The following STPG2 variants were observed in gnomAD, a reference collection of about 807,000 sequenced individuals.
STPG2 encodes sperm-tail PG-rich repeat-containing protein 2.
In STPG2, 56 loss-of-function variants were observed where a neutral mutation model predicts 54.2. That is an observed-to-expected ratio of 1.03 (90% CI 0.83 to 1.29). STPG2 has a LOEUF of 1.29. Ranked by LOEUF, STPG2 falls within the 50% of genes most tolerant of loss-of-function variation. The probability of loss-of-function intolerance (pLI) is 0.00; values close to 1 mark genes in which losing one functional copy is unlikely to be tolerated. For synonymous variants in STPG2, 200 were observed against 181.8 expected (o/e 1.10, Z -0.81); for missense variants, 596 against 544.9 (o/e 1.09, Z -0.93).
At chr4:97,936,231 T>C (rs927420883) in intron 8 of STPG2, among the ~76,000 whole-genome samples, 1 of 152,202 alleles carries the variant, frequency 6.6e-6, no homozygotes, top group Admixed American at 6.5e-5. Flanking sequence ...ATTTGCTTGG[T>C]AAATTTTCCT....
At chr4:97,965,814 G>C (rs963307991) in intron 7 of STPG2, among the ~76,000 whole-genome samples, 1 of 152,164 alleles carries the variant, frequency 6.6e-6, no homozygotes, top group African/African-American at 2.4e-5. Flanking sequence ...AAAAGGAATA[G>C]CATCAACATC....
At chr4:97,881,494 T>C (rs532724735) in intron 8 of STPG2, among the ~76,000 whole-genome samples, 1 of 152,260 alleles carries the variant, frequency 6.6e-6, no homozygotes, top group Non-Finnish European at 1.5e-5. Context: ...AACTCATAAA[T>C]GGGCAAGTAA....
At chr4:97,688,734 C>T (rs1560719933) in intron 10 of STPG2, among the ~76,000 whole-genome samples, 1 of 151,942 alleles carries the variant, frequency 6.6e-6, no homozygotes, top group African/African-American at 2.4e-5. Context: ...AGTGGATGTA[C>T]AGAAATGAAT....
rs552585357 is a variant in STPG2 at position 97,755,794 on chromosome 4, A to G, written c.1205-42980T>C. Among the ~76,000 whole-genome samples, 5 of 152,298 alleles carry G rather than the reference A, an allele frequency of 3.3e-5. No individual in the cohort carries two copies. In the East Asian group the frequency reaches 7.7e-4, roughly 24 times the overall value. ...CCTCTATGAAAGATGTGCAAAATTC[A>G]TGTTATTTTATGGGTTCCTGTATCT... On this transcript the variant is annotated intron_variant, in intron 9 of 10. Transcript: ENST00000295268.
At chr4:98,142,693 G>A (rs1740332082) in intron 1 of STPG2, among the ~76,000 whole-genome samples, 1 of 151,832 alleles carries the variant, frequency 6.6e-6, no homozygotes, top group South Asian at 2.1e-4. Context: ...AAAGCAACGA[G>A]ACAGCGGGAG....
At chr4:97,442,917 T>G (rs1351437900) in intron 4 of STPG2, among the ~76,000 whole-genome samples, 1 of 152,158 alleles carries the variant, frequency 6.6e-6, no homozygotes. Context: ...CTAGGAGATA[T>G]TCTTTCTTAA....
chr4:97,513,264 C>T (rs1234603747), intron 4 of STPG2, among the ~76,000 whole-genome samples: 1 of 152,078 alleles, frequency 6.6e-6, no homozygotes, highest in Admixed American at 6.6e-5. Flanking sequence ...CTAGGCATGG[C>T]ACCCTCCAGG....
chr4:97,889,058 A>G (rs999214639), intron 8 of STPG2, among the ~76,000 whole-genome samples: 1 of 148,510 alleles, frequency 6.7e-6, no homozygotes, highest in East Asian at 1.9e-4. Context: ...TACAGCCTGC[A>G]GAACTGTGAG....
chr4:98,066,432 T>A (rs180854038), intron 5 of STPG2, among the ~76,000 whole-genome samples: 1 of 151,882 alleles, frequency 6.6e-6, no homozygotes, highest in South Asian at 2.1e-4. Flanking sequence ...CTAATACAAA[T>A]ACAAAAATTA....
chr4:97,934,416 A>G (rs1051140861), intron 8 of STPG2, among the ~76,000 whole-genome samples: 3 of 152,188 alleles, frequency 2.0e-5, no homozygotes, highest in African/African-American at 7.2e-5. Context: ...GAGTGGTGAG[A>G]GAGGGCATCC....
chr4:97,570,983 A>G (rs1732585682), intron 10 of STPG2, among the ~76,000 whole-genome samples: 1 of 152,100 alleles, frequency 6.6e-6, no homozygotes, highest in Admixed American at 6.6e-5. Flanking sequence ...GCAGAACTTA[A>G]TCTCAACTGG....
chr4:97,715,881 A>G (rs1024346744), intron 9 of STPG2, among the ~76,000 whole-genome samples: 3 of 152,196 alleles, frequency 2.0e-5, no homozygotes, highest in Non-Finnish European at 4.4e-5. Context: ...GCACAGCAAA[A>G]GTAACTATTA....
chr4:97,728,410 A>T (rs963348925), intron 9 of STPG2, among the ~76,000 whole-genome samples: 3 of 152,098 alleles, frequency 2.0e-5, no homozygotes, highest in Admixed American at 6.6e-5. Context: ...TAGTATTTTT[A>T]AAATTTCCTA....
chr4:97,961,070 A>G (rs7679681), intron 7 of STPG2, among the ~76,000 whole-genome samples: 39,552 of 150,704 alleles, frequency 0.26, 5,624 homozygotes, highest in Middle Eastern at 0.36. Flanking sequence ...GGTCTTCAAC[A>G]AAGCAAACAA....
intron 4 of STPG2, among the ~76,000 whole-genome samples, chr4:97,447,424 G>C (rs1553929983): frequency 6.6e-6 from 1 of 152,226 alleles, no homozygotes; most frequent in Non-Finnish European, 1.5e-5. Context: ...TGGCATGTCA[G>C]AGACCTTAGT....
intron 4 of STPG2, among the ~76,000 whole-genome samples, chr4:97,501,519 T>C (rs960437657): frequency 1.3e-5 from 2 of 151,670 alleles, no homozygotes; most frequent in African/African-American, 2.4e-5. Context: ...AGACCACAAC[T>C]TTATGGAAAA....
chr4:97,467,891 G>T (rs897529537), intron 4 of STPG2, among the ~76,000 whole-genome samples: 1 of 148,478 alleles, frequency 6.7e-6, no homozygotes, highest in Admixed American at 6.8e-5. Flanking sequence ...ACTGCATTAA[G>T]AATGGATTTG....
rs149361304 is a variant in STPG2, at chr4:97,893,652, GA to G, written c.1044+50244del. Among the ~76,000 whole-genome samples the G allele has an allele frequency of 3.7e-3, 559 of 152,178 alleles. 6 individuals carry two copies. The highest frequency in any genetic ancestry group is 5.2e-3 in the Non-Finnish European group (356 of 67,962). ...CTTACTGCTGTCAGGAAAATGTAAGGAAGGAGACTATTTTACTAAAGAGAAA... is the reference window on the plus strand; with the variant it reads ...CTTACTGCTGTCAGGAAAATGTAAGGAGGAGACTATTTTACTAAAGAGAAA... On this transcript the variant is annotated intron_variant, in intron 8 of 10. Transcript: ENST00000295268.
At chr4:97,979,196 A>G (rs1734588485) in intron 6 of STPG2, among the ~76,000 whole-genome samples, 1 of 152,216 alleles carries the variant, frequency 6.6e-6, no homozygotes, top group East Asian at 1.9e-4. Context: ...AAAGGAAAAG[A>G]AGCTGATAGA....
Sources: allele counts gnomAD v4.1 joint callset (sites outside exome capture counted in the v4.1 genomes callset), GRCh38; gene constraint gnomAD v4.1.1; transcripts MANE v1.5; gene names NCBI Gene and HGNC (gene_info 2026-07-23, HGNC 2026-07-21).